Variants in RELCH observed in about 807,000 individuals in gnomAD.
RELCH encodes the protein RAB11 binding and LisH domain, coiled-coil and HEAT repeat containing, also known as RAB11-binding protein RELCH.
In RELCH, 41 loss-of-function variants were observed where a neutral mutation model predicts 150.3. That is an observed-to-expected ratio of 0.27 (90% CI 0.21 to 0.35). The LOEUF is 0.35. Ranked by LOEUF, RELCH falls within the 10% of genes least tolerant of loss-of-function variation. The pLI is 1.00. For missense variants in RELCH, 1,092 were observed against 1,467.8 expected, an observed-to-expected ratio of 0.74 and a Z score of 4.18; for synonymous variants, 478 against 531.8, an observed-to-expected ratio of 0.90 and a Z score of 1.39.
At chr18:62,278,949 CA>C (rs1171521909) in intron 22 of RELCH, among the ~76,000 whole-genome samples, 2 of 152,032 alleles carry the variant, frequency 1.3e-5, no homozygotes, top group Non-Finnish European at 2.9e-5. Flanking sequence ...AAACATATTA[CA>C]AATCATATAT....
At chr18:62,230,188 G>T (rs553262543) in intron 8 of RELCH, among the ~76,000 whole-genome samples, 1 of 152,076 alleles carries the variant, frequency 6.6e-6, no homozygotes, top group African/African-American at 2.4e-5. Context: ...GGAAGCCAGG[G>T]ACGATGGGAT....
intron 11 of RELCH, among the ~76,000 whole-genome samples, chr18:62,252,137 A>T (rs2042739763): frequency 6.6e-6 from 1 of 150,630 alleles, no homozygotes; most frequent in Admixed American, 6.6e-5. Flanking sequence ...CTGGGACTAC[A>T]GTCGGGTGCC....
chr18:62,241,553 C>G (rs1194274029), intron 10 of RELCH, among the ~76,000 whole-genome samples: 2 of 152,066 alleles, frequency 1.3e-5, no homozygotes, highest in Non-Finnish European at 2.9e-5. Flanking sequence ...AATGTTAAAT[C>G]TAATATGCCT....
intron 10 of RELCH, among the ~76,000 whole-genome samples, chr18:62,233,618 G>A (rs2041714629): frequency 6.6e-6 from 1 of 151,918 alleles, no homozygotes; most frequent in African/African-American, 2.4e-5. Context: ...TGTCTTGAAG[G>A]ATCAGTGTCC....
intron 15 of RELCH, among the ~76,000 whole-genome samples, chr18:62,259,973 A>C (rs75558348): frequency 0.069 from 10,473 of 151,984 alleles, 432 homozygotes; most frequent in Middle Eastern, 0.14. Flanking sequence ...TTGTTTCAGT[A>C]CGTTGGTCTG....
At chr18:62,287,502 T>G in intron 26 of RELCH, 35 bp downstream of exon 26, 1 of 1,095,272 alleles carries the variant, frequency 9.1e-7, no homozygotes, top group Non-Finnish European at 1.4e-6. Context: ...TCTACATTTA[T>G]GTAACCAATC....
intron 10 of RELCH, among the ~76,000 whole-genome samples, chr18:62,242,300 T>C (rs2042187692): frequency 6.6e-6 from 1 of 152,168 alleles, no homozygotes; most frequent in African/African-American, 2.4e-5. Context: ...AATATTTTTT[T>C]CAAAGTCCTA....
chr18:62,296,551 A>G (rs2045419803), intron 27 of RELCH, among the ~76,000 whole-genome samples: 1 of 151,820 alleles, frequency 6.6e-6, no homozygotes, highest in Admixed American at 6.6e-5. Context: ...ACGCCATTGC[A>G]CTCCAGCCTG....
At chr18:62,188,448 G>A (rs182422876) in intron 1 of RELCH, among the ~76,000 whole-genome samples, 3 of 152,332 alleles carry the variant, frequency 2.0e-5, no homozygotes. Flanking sequence ...TCTGAGCCAG[G>A]AGAGAAAGAA....
intron 5 of RELCH, among the ~76,000 whole-genome samples, chr18:62,224,869 A>AT (rs1342432348): frequency 2.0e-5 from 3 of 152,066 alleles, no homozygotes; most frequent in Admixed American, 2.0e-4. Flanking sequence ...GAAAGTAATG[A>AT]TTTTTTTCTA....
intron 26 of RELCH, among the ~76,000 whole-genome samples, chr18:62,291,148 A>C (rs2045110160): frequency 6.6e-6 from 1 of 152,204 alleles, no homozygotes; most frequent in African/African-American, 2.4e-5. Flanking sequence ...GCAATGTTTT[A>C]AGCAATTTGC....
intron 8 of RELCH, among the ~76,000 whole-genome samples, chr18:62,229,502 G>GTC (rs2041426786): frequency 6.8e-6 from 1 of 147,026 alleles, no homozygotes; most frequent in Non-Finnish European, 1.5e-5. Flanking sequence ...GTGTGTGTGT[G>GTC]TGTGTGTGTG....
chr18:62,258,452 A>G, intron 14 of RELCH, 60 bp from the exon 15 acceptor site: 1 of 1,350,208 alleles, frequency 7.4e-7, no homozygotes. Flanking sequence ...CTTTTTATTA[A>G]GTGTTTTATT....
At chr18:62,272,883 A>T (rs1016486399) in intron 20 of RELCH, among the ~76,000 whole-genome samples, 2 of 152,092 alleles carry the variant, frequency 1.3e-5, no homozygotes, top group Non-Finnish European at 1.5e-5. Flanking sequence ...GCAACTAAAA[A>T]TGGGTGAAAT....
intron 5 of RELCH, among the ~76,000 whole-genome samples, chr18:62,225,999 C>T (rs2041194507): frequency 6.6e-6 from 1 of 151,822 alleles, no homozygotes; most frequent in African/African-American, 2.4e-5. Context: ...TTCATACTTC[C>T]TCTGGTTTTC....
chr18:62,279,770 T>G lies in RELCH; in HGVS notation c.2968-4T>G, dbSNP rs1330477325. On this transcript the variant is annotated splice_polypyrimidine_tract_variant and splice_region_variant and intron_variant, in intron 22 of 28. Coordinates refer to ENST00000644646, the MANE Select transcript of RELCH (RefSeq NM_001346231.2). ...TGTGAATACCCCCTGTGCTGACCAA[T>G]CAGCTGTTGGTGAAGGGGGTGAATG... The G allele has an allele frequency of 1.3e-6, 2 of 1,532,092 alleles. No individual in the cohort carries two copies. Among genetic ancestry groups the G allele is most frequent in the Non-Finnish European group, 1.7e-6 (2 of 1,143,342 alleles). The allele number at this position is 1,532,092 out of a possible 1,614,324, so 94.9% of individuals were successfully genotyped here.
At position 62,250,651 on chromosome 18, in the gene RELCH, T is replaced by A. The variant is rs2042654752; in HGVS notation, c.1734-2013T>A. 1.3e-5 allele frequency among the ~76,000 whole-genome samples: 2 copies of A among 152,222 alleles called. 1 individual carries two copies. The highest frequency in any genetic ancestry group is 4.1e-4 in the South Asian group (2 of 4,830). ...ACAAGGATTGTGGTGAATTAGAAGCTGCTTGCAATGTACAGTGAAGACACA... is the reference window on the plus strand; with the variant it reads ...ACAAGGATTGTGGTGAATTAGAAGCAGCTTGCAATGTACAGTGAAGACACA... On this transcript the variant is annotated intron_variant, in intron 11 of 28. Transcript: ENST00000644646.
At position 62,227,550 on chromosome 18, in the gene RELCH, C is replaced by T. The variant is rs200283659; in HGVS notation, c.1063-48C>T. On this transcript the variant is annotated intron_variant, in intron 6 of 28. Coordinates refer to ENST00000644646, the MANE Select transcript of RELCH (RefSeq NM_001346231.2). ...AGAAAGTATTTAAACTATGTAAAAG[C>T]GTACAGTGAGATCTTGAGTTTCTGT... 692 of 1,540,464 alleles carry T rather than the reference C, an allele frequency of 4.5e-4. 5 individuals carry two copies. The African/African-American group carries it at 7.3e-3, about 16-fold the overall frequency.
chr18:62,280,477 G>GTCTGTCTTTTTGAGCATTCT, intron 23 of RELCH, 169 bp from the exon 24 acceptor site: 1 of 1,583,160 alleles, frequency 6.3e-7, no homozygotes, highest in Non-Finnish European at 8.7e-7. Context: ...AAGTTATCCT[G>GTCTGTCTTTTTGAGCATTCT]TCTGTCTTTT....
Sources: gnomAD v4.1 joint callset for allele counts (sites outside exome capture counted in the v4.1 genomes callset) on GRCh38, gnomAD v4.1.1 for gene constraint, MANE v1.5 for transcripts, NCBI Gene and HGNC (gene_info 2026-07-23, HGNC 2026-07-21) for gene names.